ENTPD6: variants seen among roughly 807,000 people sequenced by gnomAD.
The protein encoded by ENTPD6 is ectonucleoside triphosphate diphosphohydrolase 6.
A neutral mutation model predicts 61.5 loss-of-function variants in ENTPD6; 46 were observed. The ratio of observed to expected loss-of-function variants is 0.75; its 90% CI spans 0.59 to 0.96. ENTPD6 has a LOEUF of 0.96. Among genes scored for constraint, ENTPD6 ranks in the 40% least tolerant of loss-of-function variants. ENTPD6 has a pLI of 0.00. For missense variants in ENTPD6, 612 were observed against 629.0 expected, an observed-to-expected ratio of 0.97 and a Z score of 0.29; for synonymous variants, 252 against 255.5, an observed-to-expected ratio of 0.99 and a Z score of 0.13.
At chr20:25,208,014 C>T (rs2091659106) in intron 3 of ENTPD6, among the ~76,000 whole-genome samples, 1 of 152,232 alleles carries the variant, frequency 6.6e-6, no homozygotes, top group South Asian at 2.1e-4. Flanking sequence ...TGATGCCCCT[C>T]TCGTGCCCGT....
intron 1 of ENTPD6, among the ~76,000 whole-genome samples, chr20:25,203,367 C>T (rs546499915): frequency 1.3e-5 from 2 of 152,116 alleles, no homozygotes; most frequent in Non-Finnish European, 2.9e-5. Flanking sequence ...ATTTCTCTGC[C>T]CCATTCTCTC....
At position 25,215,874 on chromosome 20, in the gene ENTPD6, C is replaced by T. The variant is rs906008271; in HGVS notation, c.709+163C>T. On this transcript the variant is annotated intron_variant, in intron 7 of 14. Transcript: ENST00000376652. ...ATAGGGTGTTGGGGATGGGTGGGGT[C>T]ACCCACCTGTCTCACAGGTGTAGAT... is the stretch of plus-strand genomic sequence containing the variant. 2.0e-5 allele frequency among the ~76,000 whole-genome samples: 3 copies of T among 152,200 alleles called. No homozygotes were observed. The East Asian group carries it at 5.8e-4, about 29-fold the overall frequency.
intron 1 of ENTPD6, among the ~76,000 whole-genome samples, chr20:25,205,016 C>A (rs575640141): frequency 1.3e-5 from 2 of 152,278 alleles, no homozygotes; most frequent in African/African-American, 4.8e-5. Flanking sequence ...GCTGTGTCCT[C>A]TCCCTGTTTA....
intron 4 of ENTPD6, 67 bp downstream of exon 4, chr20:25,209,992 G>T: frequency 7.3e-7 from 1 of 1,362,352 alleles, no homozygotes; most frequent in South Asian, 1.2e-5. Flanking sequence ...CTTTTCCTTT[G>T]AATGTGGTAG....
intron 1 of ENTPD6, chr20:25,196,261 T>G: frequency 9.4e-7 from 1 of 1,067,274 alleles, no homozygotes; most frequent in South Asian, 4.6e-5. Context: ...ACAGGTAGGA[T>G]CAGGCCGCTC....
chr20:25,222,887 A>G lies in ENTPD6; in HGVS notation c.1095A>G (p.Gln365=), dbSNP rs141512866. The G allele has an allele frequency of 1.2e-6, 2 of 1,614,036 alleles. No individual in the cohort carries two copies. Among genetic ancestry groups the G allele is most frequent in the Middle Eastern group, 1.7e-4 (1 of 6,060 alleles). ...LCAARVSEVL[Q]NRVHRTEEVK... The stretch of plus-strand genomic sequence containing the variant: ...CTGCCAGAGTGTCAGAGGTCCTTCA[A>G]AACAGAGTGCACAGGACGGAGGAAG... The change falls in exon 12 of 15, where the codon CAA becomes CAG. Residue 365 remains glutamine (Q), a synonymous_variant. Transcript: ENST00000376652.
chr20:25,224,122 T>A lies in ENTPD6; in HGVS notation c.1208T>A (p.Leu403Gln). The change falls in exon 13 of 15, where the codon CTG becomes CAG. Residue 403 changes from leucine to glutamine, a missense_variant. Coordinates refer to ENST00000376652, the MANE Select transcript of ENTPD6 (RefSeq NM_001247.5). ...ACAGATGCGGAGAAGGGAGGCAGCCTGGTGGTGGGGGACTTCGAGATCGCA... is the reference window on the plus strand; with the variant it reads ...ACAGATGCGGAGAAGGGAGGCAGCCAGGTGGTGGGGGACTTCGAGATCGCA... Reference protein sequence around the residue: ...GLIDAEKGGSLVVGDFEIAAK... With the variant: ...GLIDAEKGGSQVVGDFEIAAK... The A allele has an allele frequency of 6.2e-7, 1 of 1,612,492 alleles. No individual in the cohort carries two copies. Among genetic ancestry groups the A allele is most frequent in the Non-Finnish European group, 8.5e-7 (1 of 1,179,300 alleles).
chr20:25,197,773 C>G (rs2090618625), intron 1 of ENTPD6, among the ~76,000 whole-genome samples: 1 of 152,220 alleles, frequency 6.6e-6, no homozygotes, highest in African/African-American at 2.4e-5. Flanking sequence ...GTACTGTGTT[C>G]TAGTTGGACT....
At chr20:25,206,196 G>C (rs2091482981) in intron 1 of ENTPD6, among the ~76,000 whole-genome samples, 1 of 152,332 alleles carries the variant, frequency 6.6e-6, no homozygotes, top group African/African-American at 2.4e-5. Context: ...GGCAGAGCCG[G>C]TGCCACTTCC....
At chr20:25,217,645 G>T in intron 9 of ENTPD6, 64 bp downstream of exon 9, 1 of 1,399,724 alleles carries the variant, frequency 7.1e-7, no homozygotes. Context: ...CCAGGGCCTC[G>T]CATGGCCCTC....
At chr20:25,225,066 G>A (rs1386698031) in intron 13 of ENTPD6, 139 bp from the exon 14 acceptor site, 34 of 1,374,866 alleles carry the variant, frequency 2.5e-5, no homozygotes, top group East Asian at 2.5e-5. Flanking sequence ...TGCCTTCTGC[G>A]CTCAGCTGCG....
At chr20:25,202,614 A>G (rs1305788099) in intron 1 of ENTPD6, among the ~76,000 whole-genome samples, 1 of 152,236 alleles carries the variant, frequency 6.6e-6, no homozygotes, top group Non-Finnish European at 1.5e-5. Context: ...ATAGCAATCT[A>G]TTTTAAATTG....
chr20:25,204,386 T>A (rs1319909108), intron 1 of ENTPD6, among the ~76,000 whole-genome samples: 1 of 152,180 alleles, frequency 6.6e-6, no homozygotes, highest in African/African-American at 2.4e-5. Flanking sequence ...GTGCCCTTAT[T>A]TTTTGGTAAG....
chr20:25,214,735 T>C, intron 5 of ENTPD6, 132 bp from the exon 6 acceptor site: 1 of 647,138 alleles, frequency 1.5e-6, no homozygotes, highest in Non-Finnish European at 2.8e-6. Context: ...AACTAATTGA[T>C]CACAACCAGT....
At chr20:25,216,811 G>T in intron 8 of ENTPD6, 75 bp downstream of exon 8, 1 of 1,069,802 alleles carries the variant, frequency 9.3e-7, no homozygotes. Context: ...GGTGGGGCCT[G>T]CTGAGGTGCT....
chr20:25,214,653 A>C, intron 5 of ENTPD6: 1 of 550,966 alleles, frequency 1.8e-6, no homozygotes, highest in Non-Finnish European at 3.3e-6. Flanking sequence ...GCCTGCCAAT[A>C]GCATGATGCA....
chr20:25,225,702 G>A lies in ENTPD6; in HGVS notation c.*105G>A. The stretch of plus-strand genomic sequence containing the variant: ...GAGGAGCCACAGCACAGGCCGTGCT[G>A]GCACTTTCTGCACACTGGCTCTGGG... On this transcript the variant is annotated 3_prime_UTR_variant, in exon 15 of 15. Coordinates refer to ENST00000376652, the MANE Select transcript of ENTPD6 (RefSeq NM_001247.5). 1.1e-6 allele frequency: 1 copy of A among 919,130 alleles called. No individual in the cohort carries two copies. The highest frequency in any genetic ancestry group is 1.7e-6 in the Non-Finnish European group (1 of 589,314). The allele number at this position is 919,130 out of a possible 1,614,324, so 56.9% of individuals were successfully genotyped here. A position where few individuals can be genotyped will look rare whatever the true frequency, so the allele number is the denominator to read the frequency against.
intron 3 of ENTPD6, among the ~76,000 whole-genome samples, chr20:25,209,512 G>A (rs1488705629): frequency 6.6e-6 from 1 of 151,484 alleles, no homozygotes; most frequent in East Asian, 1.9e-4. Context: ...GAGCCCAAAA[G>A]TTCAAGACCA....
At position 25,215,615 on chromosome 20, in the gene ENTPD6, T is replaced by A; in HGVS notation, c.674-61T>A. 3 of 1,561,932 alleles carry A rather than the reference T, an allele frequency of 1.9e-6. No individual in the cohort carries two copies. In the South Asian group the frequency reaches 3.3e-5, roughly 17 times the overall value. ...TCTGCAAATAGTCATTTAACGGTCC[T>A]GTGTGTTATGCTTTCAGCATCTCAA... is the stretch of plus-strand genomic sequence containing the variant. On this transcript the variant is annotated intron_variant, in intron 6 of 14. Transcript: ENST00000376652.
Sources: allele counts gnomAD v4.1 joint callset (sites outside exome capture counted in the v4.1 genomes callset), GRCh38; gene constraint gnomAD v4.1.1; transcripts MANE v1.5; gene names NCBI Gene and HGNC (gene_info 2026-07-23, HGNC 2026-07-21).